The following NPFFR2 variants were observed in gnomAD, a reference collection of about 807,000 sequenced individuals.
The protein encoded by NPFFR2 is neuropeptide FF receptor 2.
Under a neutral mutation model 13.1 loss-of-function variants are expected in NPFFR2, and 15 were observed. The ratio of observed to expected loss-of-function variants is 1.15; its 90% CI spans 0.77 to 1.76. NPFFR2 has a LOEUF of 1.76. Among genes scored for constraint, NPFFR2 ranks in the 40% most tolerant of loss-of-function variants. The pLI is 0.00. For missense variants in NPFFR2, 572 were observed against 503.5 expected (o/e 1.14, Z -1.30); for synonymous variants, 190 against 175.7 (o/e 1.08, Z -0.65).
rs1405464629 is a variant in NPFFR2, at chr4:72,147,658, A to G, written c.1109A>G (p.His370Arg). The change falls in exon 4 of 4, where the codon CAT (histidine) becomes CGT (arginine). Residue 370 changes from histidine (H) to arginine (R), a missense_variant. Physicochemically the swap from His to Arg is conservative, Grantham distance 29. Transcript: ENST00000308744. The stretch of plus-strand genomic sequence containing the variant: ...GCTTATGCCCTAAAAGCTAAAAGCC[A>G]TGTGCTCATAAACACATCTAATCAG... ...MEAYALKAKS[H>R]VLINTSNQLV... The G allele has an allele frequency of 1.4e-5, 22 of 1,614,060 alleles. No individual in the cohort carries two copies. The Middle Eastern group carries it at 6.6e-4, about 48-fold the overall frequency.
intron 1 of NPFFR2, among the ~76,000 whole-genome samples, chr4:72,037,127 C>T (rs1279818332): frequency 6.6e-6 from 1 of 151,884 alleles, no homozygotes; most frequent in Non-Finnish European, 1.5e-5. Flanking sequence ...TGTGGTAACT[C>T]ATGCCTGTAA....
intron 1 of NPFFR2, among the ~76,000 whole-genome samples, chr4:72,042,816 A>G (rs1255827147): frequency 6.6e-6 from 1 of 152,246 alleles, no homozygotes; most frequent in Non-Finnish European, 1.5e-5. Context: ...CAGGCTGATT[A>G]TGAAGTGGAA....
chr4:72,068,852 TTA>T (rs1720156796), intron 1 of NPFFR2: 1 of 284,822 alleles, frequency 3.5e-6, no homozygotes. Context: ...TTTTTTTTTT[TTA>T]TCTTATCTTT....
chr4:72,093,972 G>T (rs1201261809), intron 1 of NPFFR2, among the ~76,000 whole-genome samples: 1 of 152,110 alleles, frequency 6.6e-6, no homozygotes, highest in Non-Finnish European at 1.5e-5. Context: ...ATGTTAGAGG[G>T]CAGATCAGGG....
In NPFFR2 at chr4:72,032,051, G is replaced by A; in HGVS notation, c.-157G>A. 1 of 1,614,106 alleles carries A rather than the reference G, an allele frequency of 6.2e-7. No individual in the cohort carries two copies. Among genetic ancestry groups the A allele is most frequent in the South Asian group, 1.1e-5 (1 of 91,082 alleles). On this transcript the variant is annotated 5_prime_UTR_variant, in exon 1 of 4. Coordinates refer to ENST00000308744, the MANE Select transcript of NPFFR2 (RefSeq NM_004885.3). Reference sequence around the variant, plus strand: ...CAGCCTGGAGCGGAAGCCTGGAGTGGAGCAGGCAGTCCGCGGGGGACAGAC... The same window carrying A: ...CAGCCTGGAGCGGAAGCCTGGAGTGAAGCAGGCAGTCCGCGGGGGACAGAC...
At chr4:72,101,385 CAATT>C (rs1721245040) in intron 1 of NPFFR2, among the ~76,000 whole-genome samples, 1 of 151,510 alleles carries the variant, frequency 6.6e-6, no homozygotes. Flanking sequence ...TGGGGTGAGA[CAATT>C]ATTTATATGT....
At chr4:72,073,683 T>C (rs1271471153) in intron 1 of NPFFR2, among the ~76,000 whole-genome samples, 4 of 152,016 alleles carry the variant, frequency 2.6e-5, no homozygotes, top group Admixed American at 6.6e-5. Context: ...TTTATTAGTT[T>C]ATGTTTCTTA....
At chr4:72,065,016 A>G (rs375758471) in intron 1 of NPFFR2, among the ~76,000 whole-genome samples, 1 of 152,112 alleles carries the variant, frequency 6.6e-6, no homozygotes, top group Non-Finnish European at 1.5e-5. Flanking sequence ...ACAGAGCACA[A>G]TATCAATGCA....
intron 3 of NPFFR2, among the ~76,000 whole-genome samples, chr4:72,142,195 G>A (rs1722650202): frequency 1.3e-5 from 2 of 151,996 alleles, no homozygotes; most frequent in African/African-American, 4.8e-5. Flanking sequence ...CACAGTGATG[G>A]GTCTTGACTC....
At chr4:72,128,450 A>G in intron 1 of NPFFR2, 135 bp from the exon 2 acceptor site, 1 of 562,456 alleles carries the variant, frequency 1.8e-6, no homozygotes, top group South Asian at 2.9e-5. Context: ...GTTTTATGTA[A>G]AACTTATAGA....
At chr4:72,077,254 T>G (rs925632536) in intron 1 of NPFFR2, among the ~76,000 whole-genome samples, 1 of 152,178 alleles carries the variant, frequency 6.6e-6, no homozygotes, top group African/African-American at 2.4e-5. Flanking sequence ...ATATTGGGGA[T>G]TTTTGTTGGC....
intron 1 of NPFFR2, among the ~76,000 whole-genome samples, chr4:72,090,304 A>T (rs1433350731): frequency 6.6e-6 from 1 of 151,892 alleles, no homozygotes. Flanking sequence ...TTGGCTATGC[A>T]GGGTCTTTTT....
intron 3 of NPFFR2, among the ~76,000 whole-genome samples, chr4:72,144,572 C>A (rs1412890536): frequency 6.6e-6 from 1 of 152,048 alleles, no homozygotes; most frequent in Non-Finnish European, 1.5e-5. Context: ...GAATCCTTTG[C>A]CTGAATTTTA....
At chr4:72,050,933 G>A (rs565702972) in intron 1 of NPFFR2, among the ~76,000 whole-genome samples, 1 of 151,846 alleles carries the variant, frequency 6.6e-6, no homozygotes, top group African/African-American at 2.4e-5. Flanking sequence ...CCCTACAAAG[G>A]ACATGAACTC....
chr4:72,055,506 G>A (rs1719719785), intron 1 of NPFFR2, among the ~76,000 whole-genome samples: 1 of 151,836 alleles, frequency 6.6e-6, no homozygotes, highest in Non-Finnish European at 1.5e-5. Flanking sequence ...TATTATATGA[G>A]ACAAAACGAT....
intron 1 of NPFFR2, among the ~76,000 whole-genome samples, chr4:72,077,159 A>G (rs1014378961): frequency 6.6e-6 from 1 of 152,100 alleles, no homozygotes; most frequent in Non-Finnish European, 1.5e-5. Context: ...CTTCATCCTC[A>G]TATTCAGCCT....
chr4:72,092,534 A>G (rs940919946), intron 1 of NPFFR2, among the ~76,000 whole-genome samples: 2 of 151,988 alleles, frequency 1.3e-5, no homozygotes, highest in Non-Finnish European at 2.9e-5. Flanking sequence ...TTAGATGCAT[A>G]TGTATTTTGG....
Position 72,128,634 on chromosome 4 carries a change from C to A in NPFFR2, c.43C>A (p.Pro15Thr). 1 of 1,611,818 alleles carries A rather than the reference C, an allele frequency of 6.2e-7. No homozygotes were observed. The highest frequency in any genetic ancestry group is 8.5e-7 in the Non-Finnish European group (1 of 1,178,176). ...WDTNSSENWH[P>T]IWNVNDTKHH... is the part of the protein sequence containing the mutation. ...CACAAACTCTTCAGAAAACTGGCAT[C>A]CCATCTGGAATGTCAATGACACAAA... The change falls in exon 2 of 4, where the codon CCC becomes ACC. Residue 15 changes from proline (P) to threonine (T), a missense_variant. Pro to Thr is a conservative substitution (Grantham distance 38). Transcript: ENST00000308744.
chr4:72,096,878 T>C (rs181921306), intron 1 of NPFFR2, among the ~76,000 whole-genome samples: 1 of 151,998 alleles, frequency 6.6e-6, no homozygotes, highest in Non-Finnish European at 1.5e-5. Flanking sequence ...AATAAAAAAA[T>C]TTAAGTAAAA....
Sources: allele counts gnomAD v4.1 joint callset (sites outside exome capture counted in the v4.1 genomes callset), GRCh38; gene constraint gnomAD v4.1.1; transcripts MANE v1.5; gene names NCBI Gene and HGNC (gene_info 2026-07-23, HGNC 2026-07-21).